The following TBL1X variants were observed in gnomAD, a reference collection of about 807,000 sequenced individuals.
TBL1X encodes F-box-like/WD repeat-containing protein TBL1X.
A neutral mutation model predicts 50.7 loss-of-function variants in TBL1X; 10 were observed. The observed-to-expected ratio is 0.20, with a 90% CI of 0.12 to 0.33. The LOEUF (loss-of-function observed/expected upper bound fraction) is 0.33. Ranked by LOEUF, TBL1X falls within the 10% of genes least tolerant of loss-of-function variation. The pLI is 1.00. For synonymous variants in TBL1X, 190 were observed against 214.7 expected (o/e 0.88, Z 1.01); for missense variants, 340 against 504.4 (o/e 0.67, Z 3.12).
intron 2 of TBL1X, among the ~76,000 whole-genome samples, chrX:9,554,215 C>A (rs2082284213): frequency 1.8e-5 from 2 of 112,474 alleles, no homozygotes; most frequent in South Asian, 7.3e-4. Context: ...CATCACTTTC[C>A]AAGCTTTTTG....
intron 2 of TBL1X, among the ~76,000 whole-genome samples, chrX:9,588,607 AT>A (rs112613645): frequency 4.4e-4 from 44 of 100,534 alleles, no homozygotes; most frequent in Admixed American, 1.7e-3. Context: ...ATTCATTTTG[AT>A]TTTTTTTTTT....
chrX:9,512,331 C>T (rs1445722997), intron 2 of TBL1X, among the ~76,000 whole-genome samples: 1 of 111,240 alleles, frequency 9.0e-6, no homozygotes, highest in African/African-American at 3.3e-5. Context: ...TGTGGTAGCA[C>T]CTACATTTGT....
chrX:9,707,590 C>T (rs1042230993), intron 13 of TBL1X, among the ~76,000 whole-genome samples: 2 of 112,386 alleles, frequency 1.8e-5, no homozygotes, highest in African/African-American at 3.2e-5. Context: ...GCTAGGGATC[C>T]GCTCCCAGGA....
At chrX:9,578,440 G>A (rs1043572916) in intron 2 of TBL1X, among the ~76,000 whole-genome samples, 3 of 111,350 alleles carry the variant, frequency 2.7e-5, no homozygotes, top group Non-Finnish European at 3.8e-5. Context: ...TGAGAAGCAC[G>A]TGCTGTCAGT....
chrX:9,634,332 G>A (rs1429292198), intron 2 of TBL1X, among the ~76,000 whole-genome samples: 1 of 110,730 alleles, frequency 9.0e-6, no homozygotes, highest in Non-Finnish European at 1.9e-5. Flanking sequence ...TAGTAACAGC[G>A]CTCCCTCACA....
At chrX:9,547,070 G>A (rs1376588088) in intron 2 of TBL1X, among the ~76,000 whole-genome samples, 1 of 109,059 alleles carries the variant, frequency 9.2e-6, no homozygotes, top group Non-Finnish European at 1.9e-5. Flanking sequence ...CGCCCGCCTC[G>A]GCCTCCCAAA....
In TBL1X at chrX:9,644,463, C is replaced by T. The variant is rs148416108; in HGVS notation, c.-43+4103C>T. Among the ~76,000 whole-genome samples the T allele has an allele frequency of 8.5e-4, 94 of 111,012 alleles. 1 individual carries two copies. The highest frequency in any genetic ancestry group is 2.6e-3 in the African/African-American group (80 of 30,481). On this transcript the variant is annotated intron_variant, in intron 3 of 17. Transcript: ENST00000645353. ...GTCCGGCTCATGTGATGTGGGTTTC[C>T]CTGGTAGTGGCTTGCTCTTGCTAGG... is the stretch of plus-strand genomic sequence containing the variant.
intron 2 of TBL1X, among the ~76,000 whole-genome samples, chrX:9,622,066 C>T (rs1478803057): frequency 9.0e-6 from 1 of 110,589 alleles, no homozygotes; most frequent in East Asian, 2.8e-4. Flanking sequence ...CATTTTCACT[C>T]TCATAACTGT....
intron 2 of TBL1X, among the ~76,000 whole-genome samples, chrX:9,536,770 T>G (rs2082190019): frequency 9.0e-6 from 1 of 111,611 alleles, no homozygotes; most frequent in African/African-American, 3.3e-5. Flanking sequence ...TGTTGTGCCT[T>G]TAACCTCAGC....
At chrX:9,488,006 C>T (rs1309837280) in intron 1 of TBL1X, among the ~76,000 whole-genome samples, 2 of 111,618 alleles carry the variant, frequency 1.8e-5, no homozygotes, top group Non-Finnish European at 3.8e-5. Flanking sequence ...AACCTTTTGT[C>T]TGTGTTTGAC....
chrX:9,473,610 A>G (rs932361032), intron 1 of TBL1X, among the ~76,000 whole-genome samples: 1 of 112,218 alleles, frequency 8.9e-6, no homozygotes, highest in Non-Finnish European at 1.9e-5. Flanking sequence ...AGTGTTTTCA[A>G]CGTTGAGCTC....
At chrX:9,682,753 A>AGGAG (rs2083033079) in intron 5 of TBL1X, among the ~76,000 whole-genome samples, 1 of 112,410 alleles carries the variant, frequency 8.9e-6, no homozygotes, top group African/African-American at 3.2e-5. Flanking sequence ...GCACCTGTCC[A>AGGAG]GCAAGGCTGA....
chrX:9,494,320 G>T (rs1324983228), intron 1 of TBL1X, among the ~76,000 whole-genome samples: 1 of 111,532 alleles, frequency 9.0e-6, no homozygotes, highest in Non-Finnish European at 1.9e-5. Context: ...GGGTCTGAGG[G>T]TACTTCTTGG....
intron 2 of TBL1X, among the ~76,000 whole-genome samples, chrX:9,588,194 T>A (rs1276634640): frequency 1.8e-5 from 2 of 111,710 alleles, no homozygotes; most frequent in Non-Finnish European, 3.8e-5. Flanking sequence ...CAGAGGTGAT[T>A]TAAAGTGTAA....
At chrX:9,670,822 G>A (rs908401680) in intron 5 of TBL1X, among the ~76,000 whole-genome samples, 1 of 112,135 alleles carries the variant, frequency 8.9e-6, no homozygotes, top group East Asian at 2.8e-4. Context: ...TGACTGCAGC[G>A]GCTCTTTTAC....
At chrX:9,632,342 G>A (rs1257812999) in intron 2 of TBL1X, among the ~76,000 whole-genome samples, 4 of 111,688 alleles carry the variant, frequency 3.6e-5, no homozygotes, top group South Asian at 3.7e-4. Flanking sequence ...TGCAGTGGCC[G>A]CGATCTTAGC....
At chrX:9,704,548 AGAGACTGTGT>A (rs1328183859) in intron 12 of TBL1X, among the ~76,000 whole-genome samples, 4 of 111,554 alleles carry the variant, frequency 3.6e-5, no homozygotes, top group Non-Finnish European at 1.9e-5. Context: ...GGTCTTAGAA[AGAGACTGTGT>A]TCACGCTTGA....
intron 5 of TBL1X, among the ~76,000 whole-genome samples, chrX:9,654,697 C>T (rs915440982): frequency 1.8e-5 from 2 of 111,556 alleles, no homozygotes; most frequent in African/African-American, 3.3e-5. Flanking sequence ...TCCCCAGCCT[C>T]CCCTACTCCC....
At chrX:9,529,446 G>A (rs763291690) in intron 2 of TBL1X, among the ~76,000 whole-genome samples, 2 of 111,893 alleles carry the variant, frequency 1.8e-5, no homozygotes, top group East Asian at 5.6e-4. Flanking sequence ...ACGTGCTAAA[G>A]GAGGGGTTGC....
Sources: gnomAD v4.1 joint callset for allele counts (sites outside exome capture counted in the v4.1 genomes callset) on GRCh38, gnomAD v4.1.1 for gene constraint, MANE v1.5 for transcripts, NCBI Gene and HGNC (gene_info 2026-07-23, HGNC 2026-07-21) for gene names.